KDM6A: variants seen among roughly 807,000 people sequenced by gnomAD.
KDM6A encodes the protein lysine-specific demethylase 6A.
A neutral mutation model predicts 117.6 loss-of-function variants in KDM6A; 11 were observed. The ratio of observed to expected loss-of-function variants is 0.09; its 90% CI spans 0.06 to 0.15. The LOEUF (loss-of-function observed/expected upper bound fraction) is 0.15, where lower values mean the gene tolerates loss of function less well. KDM6A is among the 10% of genes least tolerant of loss of function. The pLI is 1.00. For missense variants in KDM6A, 799 were observed against 1,077.3 expected, an observed-to-expected ratio of 0.74 and a Z score of 3.62; for synonymous variants, 384 against 396.1, an observed-to-expected ratio of 0.97 and a Z score of 0.36.
chrX:45,049,385 C>CAAT (rs2043733322), intron 8 of KDM6A, among the ~76,000 whole-genome samples: 1 of 111,684 alleles, frequency 9.0e-6, no homozygotes, highest in African/African-American at 3.3e-5. Context: ...TGGTCATGTC[C>CAAT]AATAAATTCT....
chrX:44,949,428 A>G (rs1218196664), intron 2 of KDM6A, among the ~76,000 whole-genome samples: 1 of 111,605 alleles, frequency 9.0e-6, no homozygotes, highest in African/African-American at 3.3e-5. Context: ...CTGTTTGCAT[A>G]TATGCATAGA....
Position 44,910,755 on chromosome X carries a change from A to C in KDM6A, c.225+36768A>C, listed in dbSNP as rs763352255. On this transcript the variant is annotated intron_variant, in intron 2 of 29. Coordinates refer to ENST00000611820, the MANE Select transcript of KDM6A (RefSeq NM_001291415.2). ...GTTTAACAAAGCACATCTTGCACCG[A>C]CCTTAATCCATTTAACCCTGAGTGG... Among the ~76,000 whole-genome samples the C allele has an allele frequency of 6.1e-3, 671 of 109,696 alleles. 9 individuals are homozygous for C. Among genetic ancestry groups the C allele is most frequent in the African/African-American group, 0.018 (550 of 30,059 alleles).
At chrX:45,001,692 A>G (rs2041150081) in intron 4 of KDM6A, among the ~76,000 whole-genome samples, 1 of 111,881 alleles carries the variant, frequency 8.9e-6, no homozygotes, top group Admixed American at 9.5e-5. Flanking sequence ...GAAGAAAGTA[A>G]TAGAATAGAT....
At chrX:44,995,454 G>A (rs2040820956) in intron 4 of KDM6A, among the ~76,000 whole-genome samples, 1 of 110,282 alleles carries the variant, frequency 9.1e-6, no homozygotes, top group Non-Finnish European at 1.9e-5. Flanking sequence ...TGAAATTGTT[G>A]GGATACTATT....
Position 45,061,786 on chromosome X carries a change from C to T in KDM6A, c.1581+367C>T, listed in dbSNP as rs113425751. ...AGATTACAGGTGTGAGCCACTGCAC[C>T]CAGCCCTAAGTATTAATTCTTATAA... On this transcript the variant is annotated intron_variant, in intron 15 of 29. Coordinates refer to ENST00000611820, the MANE Select transcript of KDM6A (RefSeq NM_001291415.2). Among the ~76,000 whole-genome samples, 835 of 110,509 alleles carry T rather than the reference C, an allele frequency of 7.6e-3. 2 individuals carry two copies. Among genetic ancestry groups the T allele is most frequent in the Non-Finnish European group, 0.013 (675 of 52,928 alleles).
At chrX:44,982,878 T>C (rs1299400536) in intron 4 of KDM6A, among the ~76,000 whole-genome samples, 1 of 111,979 alleles carries the variant, frequency 8.9e-6, no homozygotes, top group South Asian at 3.7e-4. Flanking sequence ...AACTCAAGGT[T>C]CTTCTAATTC....
At chrX:45,010,184 T>C (rs1195623125) in intron 4 of KDM6A, among the ~76,000 whole-genome samples, 5 of 109,799 alleles carry the variant, frequency 4.6e-5, no homozygotes, top group African/African-American at 1.7e-4. Context: ...AAATAAGGAG[T>C]AGGATCTGGG....
At chrX:45,039,080 G>A (rs2042937709) in intron 8 of KDM6A, among the ~76,000 whole-genome samples, 1 of 111,170 alleles carries the variant, frequency 9.0e-6, no homozygotes, top group South Asian at 3.8e-4. Flanking sequence ...ATTTATGCTG[G>A]TGGTTCCCAA....
intron 4 of KDM6A, among the ~76,000 whole-genome samples, chrX:44,992,206 C>CTTTTTTTTTT (rs779979560): frequency 1.9e-4 from 6 of 32,062 alleles, no homozygotes; most frequent in Non-Finnish European, 2.9e-4. Context: ...CTGTCTTCTT[C>CTTTTTTTTTT]TTTTTTTTTT....
Position 45,054,877 on chromosome X carries a change from C to A in KDM6A, c.875+922C>A, listed in dbSNP as rs777363509. Among the ~76,000 whole-genome samples, 4 of 111,700 alleles carry A rather than the reference C, an allele frequency of 3.6e-5. No individual in the cohort carries two copies. The East Asian group carries it at 1.1e-3, about 31-fold the overall frequency. On this transcript the variant is annotated intron_variant, in intron 10 of 29. Coordinates refer to ENST00000611820, the MANE Select transcript of KDM6A (RefSeq NM_001291415.2). The stretch of plus-strand genomic sequence containing the variant: ...TTGCCACTCTTGCCCCGGCCAAGGA[C>A]AATTCACAATGTTTAGAGACATTTA...
intron 2 of KDM6A, among the ~76,000 whole-genome samples, chrX:44,933,260 A>ATT (rs56098621): frequency 0.019 from 697 of 36,536 alleles, 28 homozygotes; most frequent in African/African-American, 0.05. Flanking sequence ...GTTTATGTTG[A>ATT]TTTTTTTTTT....
chrX:45,109,309 G>A (rs949978884), intron 28 of KDM6A, among the ~76,000 whole-genome samples: 1 of 111,052 alleles, frequency 9.0e-6, no homozygotes, highest in African/African-American at 3.3e-5. Flanking sequence ...AGAAGTGGAA[G>A]GACAAGTTGA....
intron 24 of KDM6A, 121 bp downstream of exon 24, chrX:45,083,729 T>C (rs747106530): frequency 1.9e-5 from 12 of 618,987 alleles, no homozygotes; most frequent in Admixed American, 3.0e-5. Flanking sequence ...GTTCCTGTTA[T>C]AAGACTTTTT....
Position 45,052,569 on chromosome X carries a change from T to A in KDM6A, c.748+767T>A, listed in dbSNP as rs932811047. The stretch of plus-strand genomic sequence containing the variant: ...AATCACTGAATAAAAACAAATATTT[T>A]GACACTTTTATAACTCTTAAAAGTA... On this transcript the variant is annotated intron_variant, in intron 9 of 29. Coordinates refer to ENST00000611820, the MANE Select transcript of KDM6A (RefSeq NM_001291415.2). Among the ~76,000 whole-genome samples the A allele has an allele frequency of 5.3e-5, 6 of 112,183 alleles. No individual in the cohort carries two copies. The Admixed American group carries it at 5.7e-4, about 11-fold the overall frequency.
chrX:45,095,468 G>T lies in KDM6A; in HGVS notation c.4034+4604G>T, dbSNP rs573532523. Among the ~76,000 whole-genome samples, 53 of 111,342 alleles carry T rather than the reference G, an allele frequency of 4.8e-4. No homozygotes were observed. In the South Asian group the frequency reaches 0.019, roughly 41 times the overall value. The stretch of plus-strand genomic sequence containing the variant: ...ATGCCTGTTTAAGAAAAAGAAATAC[G>T]TGAGCTATATAACAGGAGAGCATGG... On this transcript the variant is annotated intron_variant, in intron 27 of 29. Coordinates refer to ENST00000611820, the MANE Select transcript of KDM6A (RefSeq NM_001291415.2).
At chrX:45,103,826 G>A (rs975886947) in intron 27 of KDM6A, among the ~76,000 whole-genome samples, 1 of 111,155 alleles carries the variant, frequency 9.0e-6, no homozygotes, top group Non-Finnish European at 1.9e-5. Flanking sequence ...GTCTTTCATC[G>A]AAACAACTAA....
intron 5 of KDM6A, among the ~76,000 whole-genome samples, chrX:45,014,591 T>A (rs2041889504): frequency 8.9e-6 from 1 of 112,178 alleles, no homozygotes; most frequent in Non-Finnish European, 1.9e-5. Context: ...CTTGTTCTTA[T>A]TCATTAAGGT....
At chrX:45,090,234 T>C (rs1419696563) in intron 26 of KDM6A, among the ~76,000 whole-genome samples, 2 of 112,336 alleles carry the variant, frequency 1.8e-5, no homozygotes, top group Non-Finnish European at 3.8e-5. Flanking sequence ...GAAAAATTAT[T>C]CTTTCACATT....
At chrX:45,008,626 G>A (rs990772909) in intron 4 of KDM6A, among the ~76,000 whole-genome samples, 4 of 110,471 alleles carry the variant, frequency 3.6e-5, no homozygotes, top group African/African-American at 1.3e-4. Flanking sequence ...CCACCCTCTA[G>A]ATTGCATACT....
Sources: gnomAD v4.1 joint callset for allele counts (sites outside exome capture counted in the v4.1 genomes callset) on GRCh38, gnomAD v4.1.1 for gene constraint, MANE v1.5 for transcripts, NCBI Gene and HGNC (gene_info 2026-07-23, HGNC 2026-07-21) for gene names.